Variants in DAAM2 observed in about 807,000 individuals in gnomAD.
DAAM2 encodes disheveled-associated activator of morphogenesis 2.
In DAAM2, 39 loss-of-function variants were observed where a neutral mutation model predicts 120.7. The ratio of observed to expected loss-of-function variants is 0.32; its 90% CI spans 0.25 to 0.42. The LOEUF (loss-of-function observed/expected upper bound fraction) is 0.42. Among genes scored for constraint, DAAM2 ranks in the 10% least tolerant of loss-of-function variants. The pLI, the probability that DAAM2 is intolerant of heterozygous loss-of-function variation, is 1.00. For synonymous variants in DAAM2, 488 were observed against 524.9 expected (o/e 0.93, Z 0.96); for missense variants, 1,283 against 1,401.7 (o/e 0.92, Z 1.35).
At chr6:39,840,914 C>T (rs921254511) in intron 1 of DAAM2, among the ~76,000 whole-genome samples, 5 of 147,544 alleles carry the variant, frequency 3.4e-5, no homozygotes, top group East Asian at 2.1e-4. Context: ...GAAGGGTGGC[C>T]GGGATGGCTT....
chr6:39,838,962 AC>A (rs1455686452), intron 1 of DAAM2, among the ~76,000 whole-genome samples: 1 of 147,538 alleles, frequency 6.8e-6, no homozygotes, highest in African/African-American at 2.6e-5. Flanking sequence ...CCTGGCCAGG[AC>A]TTTCAGTTTT....
At chr6:39,824,109 G>C (rs1156363384) in intron 1 of DAAM2, among the ~76,000 whole-genome samples, 1 of 152,092 alleles carries the variant, frequency 6.6e-6, no homozygotes, top group Non-Finnish European at 1.5e-5. Flanking sequence ...CAGCTCTGGG[G>C]GCCTTCTGTG....
chr6:39,842,490 G>A (rs1245122326), intron 1 of DAAM2, among the ~76,000 whole-genome samples: 3 of 151,978 alleles, frequency 2.0e-5, no homozygotes, highest in African/African-American at 7.3e-5. Flanking sequence ...AAAATTTGCC[G>A]GGCGTGGTGG....
chr6:39,899,290 G>A (rs3736826), intron 22 of DAAM2, among the ~76,000 whole-genome samples: 5 of 152,186 alleles, frequency 3.3e-5, no homozygotes, highest in Non-Finnish European at 7.4e-5. Flanking sequence ...CAGTGGGACC[G>A]ATGTACCCAG....
intron 1 of DAAM2, among the ~76,000 whole-genome samples, chr6:39,802,631 A>C (rs1195847839): frequency 6.6e-6 from 1 of 152,126 alleles, no homozygotes. Flanking sequence ...AGGTCTCAAG[A>C]AACATTTATT....
In DAAM2 at chr6:39,901,951, T is replaced by C. The variant is rs780142246; in HGVS notation, c.3121T>C (p.Cys1041Arg). ...RSGEVFDKDL[C>R]KLKRSRKRSG... The stretch of plus-strand genomic sequence containing the variant: ...TGGGGAGGTCTTCGACAAGGACTTA[T>C]GCAAGCTCAAGCGCAGCCGCAAGCG... The change falls in exon 25 of 25, where the codon TGC becomes CGC. Residue 1041 changes from cysteine to arginine, a missense_variant. Transcript: ENST00000274867. This position sits in a 1 kb window ranked among gnomAD's most constrained non-coding sequence, Gnocchi z 4.5. The C allele has an allele frequency of 2.7e-5, 43 of 1,612,678 alleles. No homozygotes were observed. In the Middle Eastern group the frequency reaches 2.1e-3, roughly 81 times the overall value.
At chr6:39,897,554 A>C (rs1562065111) in intron 21 of DAAM2, among the ~76,000 whole-genome samples, 1 of 152,208 alleles carries the variant, frequency 6.6e-6, no homozygotes, top group African/African-American at 2.4e-5. Flanking sequence ...TGTAAGGATG[A>C]GACAGCCAAG....
chr6:39,904,085 G>T lies in DAAM2; in HGVS notation c.*2048G>T. On this transcript the variant is annotated 3_prime_UTR_variant, in exon 25 of 25. Transcript: ENST00000274867. The stretch of plus-strand genomic sequence containing the variant: ...AACCCCCTCAGGGGCAGGGAACAGG[G>T]GAGGGCTCCACAAGCGTGTCTGGCA... 1 of 421,382 alleles carries T rather than the reference G, an allele frequency of 2.4e-6. No homozygotes were observed. Among genetic ancestry groups the T allele is most frequent in the South Asian group, 1.8e-5 (1 of 56,154 alleles). The allele number at this position is 421,382 out of a possible 1,614,324, so 26.1% of individuals were successfully genotyped here. A position where few individuals can be genotyped will look rare whatever the true frequency, so the allele number is the denominator to read the frequency against.
chr6:39,798,332 G>A (rs1761760472), intron 1 of DAAM2, among the ~76,000 whole-genome samples: 1 of 152,220 alleles, frequency 6.6e-6, no homozygotes, highest in African/African-American at 2.4e-5. Flanking sequence ...GGATGACTGT[G>A]AGGGTTGTCA....
rs1764838795 is a variant in DAAM2 at position 39,875,593 on chromosome 6, G to A, written c.1301+125G>A. The A allele has an allele frequency of 2.5e-6, 3 of 1,184,096 alleles. No individual in the cohort carries two copies. In the East Asian group the frequency reaches 7.4e-5, roughly 29 times the overall value. 73.3% of individuals were successfully genotyped at this position (1,184,096 alleles called of 1,614,324 possible). A position where few individuals can be genotyped will look rare whatever the true frequency, so the allele number is the denominator to read the frequency against. On this transcript the variant is annotated intron_variant, in intron 11 of 24. Transcript: ENST00000274867. The stretch of plus-strand genomic sequence containing the variant: ...GTCATCCCGAAATGAGTCTTGGGCA[G>A]CATGGTCCAACAGAACTCTCTAAGC...
At chr6:39,891,104 A>G (rs1218547551) in intron 17 of DAAM2, among the ~76,000 whole-genome samples, 1 of 151,412 alleles carries the variant, frequency 6.6e-6, no homozygotes. Flanking sequence ...AAAAAAAAAA[A>G]AGAAAGAAAT....
chr6:39,891,617 G>T lies in DAAM2; in HGVS notation c.2253-17G>T. ...TAGGGGTGGGATACCTCAAGATATGGTTCACCTTGTCTACAGGATTGACCA... is the reference window on the plus strand; with the variant it reads ...TAGGGGTGGGATACCTCAAGATATGTTTCACCTTGTCTACAGGATTGACCA... On this transcript the variant is annotated splice_polypyrimidine_tract_variant and intron_variant, in intron 18 of 24. Coordinates refer to ENST00000274867, the MANE Select transcript of DAAM2 (RefSeq NM_001201427.2). The T allele has an allele frequency of 6.2e-7, 1 of 1,607,342 alleles. No homozygotes were observed. Among genetic ancestry groups the T allele is most frequent in the Non-Finnish European group, 8.5e-7 (1 of 1,176,526 alleles).
rs920267802 is a variant in DAAM2 at position 39,900,065 on chromosome 6, C to T, written c.2680-12C>T. On this transcript the variant is annotated splice_polypyrimidine_tract_variant and intron_variant, in intron 22 of 24. Transcript: ENST00000274867. ...GCACCAGTCTAAGCAGCACTTCACC[C>T]TCCCTCCTCAGGAGCTGGAGTATCA... 48 of 1,599,036 alleles carry T rather than the reference C, an allele frequency of 3.0e-5. No homozygotes were observed. The highest frequency in any genetic ancestry group is 4.1e-5 in the Non-Finnish European group (48 of 1,173,008).
intron 1 of DAAM2, among the ~76,000 whole-genome samples, chr6:39,802,096 G>A (rs1332833379): frequency 2.6e-5 from 4 of 152,210 alleles, no homozygotes; most frequent in Non-Finnish European, 5.9e-5. Context: ...CATTGCACTA[G>A]CAGCTGCCCA....
At position 39,856,430 on chromosome 6, in the gene DAAM2, C is replaced by A; in HGVS notation, c.128C>A (p.Pro43Gln). The change falls in exon 2 of 25, where the codon CCG (proline) becomes CAG (glutamine). Residue 43 changes from proline to glutamine, a missense_variant. This residue lies in a region of DAAM2 where 197 missense variants were observed against 189.3 expected (regional missense o/e 1.04). Coordinates refer to ENST00000274867, the MANE Select transcript of DAAM2 (RefSeq NM_001201427.2). ...LQFMEFSSPIPNAEELNIRFA... is the reference protein window; with the variant it reads ...LQFMEFSSPIQNAEELNIRFA... ...TTCATGGAGTTCTCCAGCCCCATCC[C>A]GAACGCAGAGGAGCTCAACATCCGC... 1 of 1,506,526 alleles carries A rather than the reference C, an allele frequency of 6.6e-7. No individual in the cohort carries two copies. Among genetic ancestry groups the A allele is most frequent in the East Asian group, 2.6e-5 (1 of 38,022 alleles). 93.3% of individuals were successfully genotyped at this position (1,506,526 alleles called of 1,614,324 possible). A position where few individuals can be genotyped will look rare whatever the true frequency, so the allele number is the denominator to read the frequency against.
At chr6:39,877,429 G>A (rs927953622) in intron 11 of DAAM2, among the ~76,000 whole-genome samples, 3 of 152,168 alleles carry the variant, frequency 2.0e-5, no homozygotes, top group African/African-American at 4.8e-5. Context: ...TCCTTGGATG[G>A]TGGTGAAGGA....
At chr6:39,859,876 G>T (rs1246461086) in intron 2 of DAAM2, among the ~76,000 whole-genome samples, 2 of 152,080 alleles carry the variant, frequency 1.3e-5, no homozygotes, top group Non-Finnish European at 2.9e-5. Context: ...ATAGGGAAAA[G>T]ATTACAGATA....
intron 1 of DAAM2, chr6:39,819,025 G>T (rs1241006468): frequency 1.3e-5 from 2 of 152,166 alleles, no homozygotes; most frequent in Non-Finnish European, 2.9e-5. Flanking sequence ...GTATAACAGG[G>T]TTTTCCTCCA....
At position 39,902,358 on chromosome 6, in the gene DAAM2, T is replaced by G. The variant is rs1443682044; in HGVS notation, c.*321T>G. 2 of 245,908 alleles carry G rather than the reference T, an allele frequency of 8.1e-6. No individual in the cohort carries two copies. Among genetic ancestry groups the G allele is most frequent in the South Asian group, 2.4e-4 (2 of 8,190 alleles). 15.2% of individuals were successfully genotyped at this position (245,908 alleles called of 1,614,324 possible). On this transcript the variant is annotated 3_prime_UTR_variant, in exon 25 of 25. Transcript: ENST00000274867. ...TCCCCTACCATGGGCACCCATGTGC[T>G]GGCACAGAACAGTTCCAGATCTAGA...
Sources: allele counts gnomAD v4.1 joint callset (sites outside exome capture counted in the v4.1 genomes callset), GRCh38; gene constraint gnomAD v4.1.1; regional missense constraint gnomAD v4.1.1; non-coding constraint Gnocchi (gnomAD v3.1); transcripts MANE v1.5; gene names NCBI Gene and HGNC (gene_info 2026-07-23, HGNC 2026-07-21).